Variants in TEX11 observed in about 807,000 individuals in gnomAD.
TEX11 encodes the protein testis expressed 11.
In TEX11, 7 loss-of-function variants were observed where a neutral mutation model predicts 84.4. The ratio of observed to expected loss-of-function variants is 0.08; its 90% CI spans 0.05 to 0.16. The LOEUF (loss-of-function observed/expected upper bound fraction) is 0.16, where lower values mean the gene tolerates loss of function less well. Ranked by LOEUF, TEX11 falls within the 10% of genes least tolerant of loss-of-function variation. The pLI is 1.00. For synonymous variants in TEX11, 264 were observed against 222.8 expected (o/e 1.18, Z -1.64); for missense variants, 551 against 660.5 (o/e 0.83, Z 1.82).
chrX:70,806,653 G>T, intron 9 of TEX11, 52 bp downstream of exon 9: 1 of 854,395 alleles, frequency 1.2e-6, no homozygotes. Flanking sequence ...AATATTAACT[G>T]ACATCTATGA....
chrX:70,907,713 A>T, intron 2 of TEX11, 40 bp downstream of exon 2: 1 of 1,031,244 alleles, frequency 9.7e-7, no homozygotes, highest in Admixed American at 2.2e-5. Context: ...TTAAAGCAGC[A>T]GTTTGACACT....
At chrX:70,806,450 G>GA (rs1247751516) in intron 9 of TEX11, among the ~76,000 whole-genome samples, 244 of 82,947 alleles carry the variant, frequency 2.9e-3, no homozygotes, top group African/African-American at 8.2e-3. Flanking sequence ...AGAGAGATAC[G>GA]AAAAAAAAAA....
intron 24 of TEX11, among the ~76,000 whole-genome samples, chrX:70,605,093 C>T (rs765722100): frequency 9.0e-6 from 1 of 111,182 alleles, no homozygotes; most frequent in African/African-American, 3.3e-5. Flanking sequence ...AAAGTGGAGT[C>T]CAAACGCGTA....
intron 9 of TEX11, among the ~76,000 whole-genome samples, chrX:70,748,327 T>C (rs1004036154): frequency 1.8e-5 from 2 of 111,267 alleles, no homozygotes; most frequent in Non-Finnish European, 3.8e-5. Context: ...AGAGAAAATC[T>C]TGAAAACAGT....
rs192195333 is a variant in TEX11, at chrX:70,691,892, G to T, written c.1005-9067C>A. Among the ~76,000 whole-genome samples the T allele has an allele frequency of 1.7e-3, 184 of 111,123 alleles. 1 individual carries two copies. Among genetic ancestry groups the T allele is most frequent in the Middle Eastern group, 4.7e-3 (1 of 214 alleles). On this transcript the variant is annotated intron_variant, in intron 13 of 29. Coordinates refer to ENST00000374333, the MANE Select transcript of TEX11 (RefSeq NM_031276.3). ...GTGGTAATCATTTCACAATATGTAGGTATATCAAAACATCACATTAAATAT... is the reference window on the plus strand; with the variant it reads ...GTGGTAATCATTTCACAATATGTAGTTATATCAAAACATCACATTAAATAT...
intron 8 of TEX11, among the ~76,000 whole-genome samples, chrX:70,817,797 AAAAG>A (rs1487074456): frequency 9.0e-6 from 1 of 111,041 alleles, no homozygotes; most frequent in Non-Finnish European, 1.9e-5. Flanking sequence ...AAAGGAATGA[AAAAG>A]AAAGGAAAAA....
intron 5 of TEX11, among the ~76,000 whole-genome samples, chrX:70,855,085 A>G (rs949621314): frequency 7.2e-5 from 8 of 110,933 alleles, no homozygotes; most frequent in African/African-American, 2.6e-4. Flanking sequence ...ACAAAAAATT[A>G]TATGTGTGTA....
At chrX:70,661,568 G>C (rs139885980) in intron 16 of TEX11, among the ~76,000 whole-genome samples, 1,844 of 111,961 alleles carry the variant, frequency 0.016, 39 homozygotes, top group African/African-American at 0.057. Flanking sequence ...AGAATAGACA[G>C]ACTGCCTCCT....
At chrX:70,632,847 A>G (rs997681710) in intron 17 of TEX11, among the ~76,000 whole-genome samples, 5 of 111,861 alleles carry the variant, frequency 4.5e-5, no homozygotes, top group African/African-American at 1.6e-4. Flanking sequence ...TGAAAGACAC[A>G]AACCACCAAA....
intron 9 of TEX11, among the ~76,000 whole-genome samples, chrX:70,788,965 TATATATATAGAGAGAGAGAGAGAGAGAG>T (rs1281210342): frequency 2.5e-5 from 1 of 40,003 alleles, no homozygotes; most frequent in African/African-American, 1.2e-4. Flanking sequence ...TATATATATA[TATATATATAGAGAGAGAGAGAGAGAGAG>T]AGAGAGAGAG....
intron 25 of TEX11, among the ~76,000 whole-genome samples, chrX:70,564,066 T>A (rs908748028): frequency 1.8e-5 from 2 of 111,746 alleles, no homozygotes; most frequent in African/African-American, 6.5e-5. Context: ...CCATCTCTAC[T>A]AAAAATACAA....
intron 20 of TEX11, among the ~76,000 whole-genome samples, chrX:70,615,288 T>C (rs2089306039): frequency 9.0e-6 from 1 of 111,186 alleles, no homozygotes; most frequent in Non-Finnish European, 1.9e-5. Context: ...GAAATTCAAA[T>C]TCAAAATAAC....
chrX:70,570,361 A>C (rs1362706089), intron 25 of TEX11, among the ~76,000 whole-genome samples: 2 of 112,194 alleles, frequency 1.8e-5, no homozygotes, highest in African/African-American at 3.2e-5. Flanking sequence ...GCACTTCCCA[A>C]GTGACGCAAT....
intron 3 of TEX11, among the ~76,000 whole-genome samples, chrX:70,873,990 C>T (rs961962689): frequency 1.8e-5 from 2 of 111,422 alleles, no homozygotes; most frequent in Admixed American, 9.6e-5. Context: ...GGATGGATCC[C>T]TCATTGTCTT....
intron 4 of TEX11, among the ~76,000 whole-genome samples, chrX:70,861,448 GATTTATTTATTTATTT>G (rs67849004): frequency 0.39 from 40,637 of 104,922 alleles, 6,820 homozygotes; most frequent in East Asian, 0.56. Flanking sequence ...TTCAGTAAGA[GATTTATTTATTTATTT>G]ATTTATTTAT....
At chrX:70,634,998 A>G (rs1354285321) in intron 17 of TEX11, among the ~76,000 whole-genome samples, 1 of 112,292 alleles carries the variant, frequency 8.9e-6, no homozygotes, top group Non-Finnish European at 1.9e-5. Flanking sequence ...TCTGATAAAG[A>G]GCTTGTGTCC....
At chrX:70,689,601 A>G (rs1481855752) in intron 13 of TEX11, among the ~76,000 whole-genome samples, 1 of 111,871 alleles carries the variant, frequency 8.9e-6, no homozygotes, top group Non-Finnish European at 1.9e-5. Context: ...AAGAGCTCCC[A>G]ATGGCCAAAG....
intron 13 of TEX11, among the ~76,000 whole-genome samples, chrX:70,717,545 C>T (rs1430721846): frequency 9.0e-6 from 1 of 111,590 alleles, no homozygotes; most frequent in Admixed American, 9.5e-5. Flanking sequence ...TCTTGAACTC[C>T]TGACCTCAGG....
At chrX:70,737,507 G>A (rs1326649792) in intron 11 of TEX11, among the ~76,000 whole-genome samples, 2 of 110,384 alleles carry the variant, frequency 1.8e-5, no homozygotes, top group Non-Finnish European at 3.8e-5. Context: ...CACGAGAAAC[G>A]TAAATAAAAT....
Sources: allele counts gnomAD v4.1 joint callset (sites outside exome capture counted in the v4.1 genomes callset), GRCh38; gene constraint gnomAD v4.1.1; transcripts MANE v1.5; gene names NCBI Gene and HGNC (gene_info 2026-07-23, HGNC 2026-07-21).